The following STX8 variants were observed in gnomAD, a reference collection of about 807,000 sequenced individuals.
The protein encoded by STX8 is syntaxin 8, also known as syntaxin-8.
A neutral mutation model predicts 37.5 loss-of-function variants in STX8; 23 were observed. That is an observed-to-expected ratio of 0.61 (90% confidence interval 0.44 to 0.87). STX8 has a LOEUF of 0.87. STX8 is among the 40% of genes least tolerant of loss of function. STX8 has a pLI of 0.00. For missense variants in STX8, 313 were observed against 284.7 expected (o/e 1.10, Z -0.71); for synonymous variants, 115 against 99.1 (o/e 1.16, Z -0.95).
At chr17:9,433,235 G>A (rs774499517) in intron 6 of STX8, among the ~76,000 whole-genome samples, 1 of 152,218 alleles carries the variant, frequency 6.6e-6, no homozygotes, top group Non-Finnish European at 1.5e-5. Flanking sequence ...GCCAGTGTGG[G>A]TTCAAATCAC....
chr17:9,448,751 G>A (rs1904940924), intron 6 of STX8, among the ~76,000 whole-genome samples: 1 of 152,114 alleles, frequency 6.6e-6, no homozygotes, highest in Non-Finnish European at 1.5e-5. Flanking sequence ...TAAGAACAGT[G>A]GTTCAGTATG....
chr17:9,518,980 A>C (rs1905241238), intron 4 of STX8, among the ~76,000 whole-genome samples: 1 of 152,146 alleles, frequency 6.6e-6, no homozygotes, highest in African/African-American at 2.4e-5. Flanking sequence ...GTGAATTCTG[A>C]ACTAGGGGTG....
chr17:9,453,442 G>A (rs992422224), intron 6 of STX8, among the ~76,000 whole-genome samples: 2 of 149,514 alleles, frequency 1.3e-5, no homozygotes, highest in African/African-American at 4.9e-5. Flanking sequence ...GGTATGAACT[G>A]TATACAACCT....
chr17:9,414,071 C>CACCCACCT (rs1913079355), intron 6 of STX8, among the ~76,000 whole-genome samples: 7 of 124,560 alleles, frequency 5.6e-5, no homozygotes, highest in East Asian at 2.6e-4. Flanking sequence ...TCCATCCATC[C>CACCCACCT]ACCCATCTGT....
In STX8 at chr17:9,268,232, A is replaced by C. The variant is rs1907300682; in HGVS notation, c.644-17587T>G. Among the ~76,000 whole-genome samples, 6 of 151,430 alleles carry C rather than the reference A, an allele frequency of 4.0e-5. No homozygotes were observed. The South Asian group carries it at 1.3e-3, about 32-fold the overall frequency. Reference sequence around the variant, plus strand: ...AACCTTTCACTAGGAGCAACACGAGAGCCTCAGAGTTGTGAGCCCTGTGGG... The same window carrying C: ...AACCTTTCACTAGGAGCAACACGAGCGCCTCAGAGTTGTGAGCCCTGTGGG... On this transcript the variant is annotated intron_variant, in intron 7 of 7. Coordinates refer to ENST00000306357, the MANE Select transcript of STX8 (RefSeq NM_004853.3).
intron 4 of STX8, among the ~76,000 whole-genome samples, chr17:9,534,605 T>A (rs1020722395): frequency 2.6e-5 from 4 of 152,026 alleles, no homozygotes; most frequent in Non-Finnish European, 5.9e-5. Flanking sequence ...CCTGCCAACA[T>A]GGTGAAACTC....
At chr17:9,274,340 A>T (rs2142143109) in intron 7 of STX8, among the ~76,000 whole-genome samples, 1 of 152,186 alleles carries the variant, frequency 6.6e-6, no homozygotes, top group East Asian at 1.9e-4. Flanking sequence ...CAAAAAACCC[A>T]AATTCACGAG....
At chr17:9,451,788 T>A (rs796777141) in intron 6 of STX8, among the ~76,000 whole-genome samples, 1 of 141,878 alleles carries the variant, frequency 7.0e-6, no homozygotes, top group Non-Finnish European at 1.6e-5. Context: ...TATACATATA[T>A]ACAGAGAGAG....
At chr17:9,572,783 G>T (rs1424295710) in intron 1 of STX8, among the ~76,000 whole-genome samples, 1 of 152,120 alleles carries the variant, frequency 6.6e-6, no homozygotes, top group African/African-American at 2.4e-5. Context: ...TGCTTTGGGA[G>T]CACAGCTGAG....
chr17:9,326,835 GT>G (rs1301856339), intron 7 of STX8, among the ~76,000 whole-genome samples: 2 of 152,204 alleles, frequency 1.3e-5, no homozygotes, highest in African/African-American at 4.8e-5. Flanking sequence ...TATTTAATCA[GT>G]GTTTTACTTG....
intron 6 of STX8, among the ~76,000 whole-genome samples, chr17:9,397,527 G>T (rs1054004013): frequency 2.3e-4 from 35 of 152,202 alleles, no homozygotes; most frequent in African/African-American, 8.0e-4. Context: ...TGTGGTGATG[G>T]ATTTGAGAAC....
At chr17:9,494,008 G>T (rs7208166) in intron 5 of STX8, among the ~76,000 whole-genome samples, 2,127 of 17,624 alleles carry the variant, frequency 0.12, 22 homozygotes, top group Non-Finnish European at 0.17. Context: ...TTTTTGTTTT[G>T]TTTTTTTGTT....
rs1194647308 is a variant in STX8 at position 9,454,719 on chromosome 17, C to G, written c.541+37110G>C. Reference sequence around the variant, plus strand: ...AAAAACTTATGAATTGTTTTTCCTGCTATTTTCCATTTAATATATTGGGAC... The same window carrying G: ...AAAAACTTATGAATTGTTTTTCCTGGTATTTTCCATTTAATATATTGGGAC... On this transcript the variant is annotated intron_variant, in intron 6 of 7. Transcript: ENST00000306357. Among the ~76,000 whole-genome samples the G allele has an allele frequency of 4.0e-5, 6 of 151,132 alleles. No individual in the cohort carries two copies. In the East Asian group the frequency reaches 5.9e-4, roughly 15 times the overall value.
intron 2 of STX8, among the ~76,000 whole-genome samples, chr17:9,564,154 G>C (rs1158550467): frequency 2.0e-5 from 3 of 152,068 alleles, no homozygotes; most frequent in East Asian, 3.9e-4. Flanking sequence ...GGCAAAATCT[G>C]GCAGCATTCC....
chr17:9,320,497 A>G, intron 7 of STX8, among the ~76,000 whole-genome samples: 1 of 152,168 alleles, frequency 6.6e-6, no homozygotes, highest in East Asian at 1.9e-4. Flanking sequence ...ACCATAGCTC[A>G]TTTCTTGGTA....
intron 7 of STX8, among the ~76,000 whole-genome samples, chr17:9,326,672 G>A (rs1270726998): frequency 6.6e-6 from 1 of 152,186 alleles, no homozygotes; most frequent in Admixed American, 6.6e-5. Flanking sequence ...TGTCCCTGGT[G>A]ATAAGACACT....
At chr17:9,303,368 A>G (rs1293810111) in intron 7 of STX8, among the ~76,000 whole-genome samples, 1 of 152,220 alleles carries the variant, frequency 6.6e-6, no homozygotes, top group Admixed American at 6.5e-5. Context: ...CTGTTCCATG[A>G]AACACAAATA....
chr17:9,563,152 C>CATTTATTTATTTATTTATTT (rs55853449), intron 2 of STX8, among the ~76,000 whole-genome samples: 7 of 142,012 alleles, frequency 4.9e-5, no homozygotes, highest in East Asian at 2.1e-4. Flanking sequence ...TTCATTCATC[C>CATTTATTTATTTATTTATTT]ATTTATTTAT....
chr17:9,546,589 TG>T (rs1213818144), intron 3 of STX8, among the ~76,000 whole-genome samples: 2,914 of 98,314 alleles, frequency 0.03, 597 homozygotes, highest in Middle Eastern at 0.049. Flanking sequence ...ACTACAAAAG[TG>T]GTTTTTTTTT....
Sources: gnomAD v4.1 joint callset for allele counts (sites outside exome capture counted in the v4.1 genomes callset) on GRCh38, gnomAD v4.1.1 for gene constraint, MANE v1.5 for transcripts, NCBI Gene and HGNC (gene_info 2026-07-23, HGNC 2026-07-21) for gene names.